ERC1: variants seen among roughly 807,000 people sequenced by gnomAD.
ERC1 encodes the protein ELKS/RAB6-interacting/CAST family member 1.
Under a neutral mutation model 132.0 loss-of-function variants are expected in ERC1, and 56 were observed. That is an observed-to-expected ratio of 0.42 (90% CI 0.34 to 0.53). ERC1 has a LOEUF of 0.53. Among genes scored for constraint, ERC1 ranks in the 20% least tolerant of loss-of-function variants. The pLI is 0.03. For synonymous variants in ERC1, 478 were observed against 476.1 expected, an observed-to-expected ratio of 1.00 and a Z score of -0.05; for missense variants, 1,202 against 1,349.9, an observed-to-expected ratio of 0.89 and a Z score of 1.72.
At position 1,428,860 on chromosome 12, in the gene ERC1, C is replaced by A. The variant is rs1026769196; in HGVS notation, c.3025-15702C>A. On this transcript the variant is annotated intron_variant, in intron 17 of 18. Transcript: ENST00000360905. Reference sequence around the variant, plus strand: ...CCCTGATGTGCCTTCCTTCTTCTTCCTGATCCTAGGATGATGAGGCTAAAG... The same window carrying A: ...CCCTGATGTGCCTTCCTTCTTCTTCATGATCCTAGGATGATGAGGCTAAAG... 3.9e-5 allele frequency among the ~76,000 whole-genome samples: 6 copies of A among 152,144 alleles called. No individual in the cohort carries two copies. In the East Asian group the frequency reaches 1.2e-3, roughly 29 times the overall value.
At chr12:1,400,529 G>C (rs1320191638) in intron 16 of ERC1, among the ~76,000 whole-genome samples, 1 of 151,688 alleles carries the variant, frequency 6.6e-6, no homozygotes, top group African/African-American at 2.4e-5. Flanking sequence ...CTTATGTTTT[G>C]TTCTAAGAGT....
intron 18 of ERC1, among the ~76,000 whole-genome samples, chr12:1,474,851 C>G (rs1008139750): frequency 1.3e-5 from 2 of 152,154 alleles, no homozygotes; most frequent in African/African-American, 4.8e-5. Context: ...TTCCTCCGTT[C>G]GTTTCTTCCC....
rs931917750 is a variant in ERC1 at position 1,495,677 on chromosome 12, C to T, written c.*5447C>T. 2 of 225,106 alleles carry T rather than the reference C, an allele frequency of 8.9e-6. No homozygotes were observed. Among genetic ancestry groups the T allele is most frequent in the East Asian group, 1.3e-4 (2 of 15,632 alleles). 13.9% of individuals were successfully genotyped at this position (225,106 alleles called of 1,614,324 possible). On this transcript the variant is annotated 3_prime_UTR_variant, in exon 19 of 19. Coordinates refer to ENST00000360905, the MANE Select transcript of ERC1 (RefSeq NM_178040.4). Reference sequence around the variant, plus strand: ...TAGTGGAGGAGCTGAGGAGCACCTGCCCCCTTGTAGCTTGAGTTCCTTTTG... The same window carrying T: ...TAGTGGAGGAGCTGAGGAGCACCTGTCCCCTTGTAGCTTGAGTTCCTTTTG...
intron 18 of ERC1, among the ~76,000 whole-genome samples, chr12:1,476,539 C>T (rs1357496303): frequency 6.6e-6 from 1 of 152,146 alleles, no homozygotes; most frequent in African/African-American, 2.4e-5. Context: ...ATGTTTTACC[C>T]CAGTTTTTGG....
chr12:1,130,741 C>T (rs117900657), intron 7 of ERC1, among the ~76,000 whole-genome samples: 7,009 of 43,814 alleles, frequency 0.16, 244 homozygotes, highest in East Asian at 0.5. Context: ...AAACAGAGCA[C>T]AATTGCAGTT....
intron 12 of ERC1, among the ~76,000 whole-genome samples, chr12:1,197,931 T>G (rs763728828): frequency 1.3e-5 from 2 of 150,274 alleles, no homozygotes; most frequent in Non-Finnish European, 1.5e-5. Context: ...GTTTTGTTTT[T>G]GTTGCTTTTT....
chr12:1,455,741 A>T (rs896651889), intron 18 of ERC1, among the ~76,000 whole-genome samples: 1 of 152,224 alleles, frequency 6.6e-6, no homozygotes, highest in Non-Finnish European at 1.5e-5. Flanking sequence ...TTTCCCTTGT[A>T]TATAAATGCG....
intron 1 of ERC1, among the ~76,000 whole-genome samples, chr12:1,018,165 G>A (rs920347750): frequency 3.9e-5 from 6 of 152,150 alleles, no homozygotes; most frequent in African/African-American, 1.4e-4. Flanking sequence ...TAAATTGCAA[G>A]ACATGTACAG....
chr12:998,194 A>C (rs1961343496), intron 1 of ERC1: 1 of 152,196 alleles, frequency 6.6e-6, no homozygotes, highest in Admixed American at 6.5e-5. Flanking sequence ...AGCTAGTGAA[A>C]ATATGTATGA....
In ERC1 at chr12:1,493,278, C is replaced by G. The variant is rs955257010; in HGVS notation, c.*3048C>G. 2 of 183,790 alleles carry G rather than the reference C, an allele frequency of 1.1e-5. No individual in the cohort carries two copies. Among genetic ancestry groups the G allele is most frequent in the Non-Finnish European group, 2.3e-5 (2 of 86,618 alleles). 11.4% of individuals were successfully genotyped at this position (183,790 alleles called of 1,614,324 possible). A position where few individuals can be genotyped will look rare whatever the true frequency, so the allele number is the denominator to read the frequency against. On this transcript the variant is annotated 3_prime_UTR_variant, in exon 19 of 19. Coordinates refer to ENST00000360905, the MANE Select transcript of ERC1 (RefSeq NM_178040.4). ...ATGGATGGGGCCGGCCACAGTGGCT[C>G]ACGCCTGTAATCCCAGAACTCTGGA...
intron 12 of ERC1, among the ~76,000 whole-genome samples, chr12:1,190,479 CTT>C (rs1214115742): frequency 2.6e-5 from 4 of 152,164 alleles, no homozygotes; most frequent in African/African-American, 4.8e-5. Context: ...AATTTTTAGA[CTT>C]TTCACAGTTT....
intron 14 of ERC1, among the ~76,000 whole-genome samples, chr12:1,287,804 G>A (rs2079140267): frequency 6.6e-6 from 1 of 152,152 alleles, no homozygotes; most frequent in Admixed American, 6.5e-5. Context: ...TATAGATCTT[G>A]TGATTCATGA....
chr12:1,101,553 A>G (rs1944663156), intron 3 of ERC1, among the ~76,000 whole-genome samples: 1 of 152,184 alleles, frequency 6.6e-6, no homozygotes, highest in South Asian at 2.1e-4. Context: ...TACATGACGA[A>G]TGTGTCTGAT....
intron 15 of ERC1, among the ~76,000 whole-genome samples, chr12:1,292,989 A>T (rs185268279): frequency 4.6e-5 from 7 of 151,834 alleles, no homozygotes; most frequent in Admixed American, 3.9e-4. Flanking sequence ...TACTAAAAGT[A>T]CAAAAATTAG....
At chr12:1,412,162 C>T (rs1335996078) in intron 17 of ERC1, among the ~76,000 whole-genome samples, 1 of 152,198 alleles carries the variant, frequency 6.6e-6, no homozygotes, top group African/African-American at 2.4e-5. Context: ...GCATGAGTGA[C>T]CCCTAAAACA....
At chr12:1,153,608 G>T (rs1951034003) in intron 8 of ERC1, among the ~76,000 whole-genome samples, 1 of 152,234 alleles carries the variant, frequency 6.6e-6, no homozygotes, top group African/African-American at 2.4e-5. Flanking sequence ...TCTACTGACT[G>T]TTTTTGAGCC....
At chr12:1,233,198 C>T (rs1594410403) in intron 12 of ERC1, among the ~76,000 whole-genome samples, 1 of 152,144 alleles carries the variant, frequency 6.6e-6, no homozygotes. Flanking sequence ...GGACCAGGCA[C>T]AGTGGCTCAT....
chr12:1,049,449 C>G (rs1010363187), intron 2 of ERC1, among the ~76,000 whole-genome samples: 3 of 152,142 alleles, frequency 2.0e-5, no homozygotes, highest in Non-Finnish European at 4.4e-5. Flanking sequence ...CCCAAACCCT[C>G]AGATAATTTG....
intron 13 of ERC1, among the ~76,000 whole-genome samples, chr12:1,237,547 T>C (rs1233913623): frequency 6.6e-6 from 1 of 152,236 alleles, no homozygotes; most frequent in Non-Finnish European, 1.5e-5. Flanking sequence ...AACTAGGCTC[T>C]GGTCATTCAT....
Sources: gnomAD v4.1 joint callset for allele counts (sites outside exome capture counted in the v4.1 genomes callset) on GRCh38, gnomAD v4.1.1 for gene constraint, MANE v1.5 for transcripts, NCBI Gene and HGNC (gene_info 2026-07-23, HGNC 2026-07-21) for gene names.